The following RNF168 variants were observed in gnomAD, a reference collection of about 807,000 sequenced individuals.
The protein encoded by RNF168 is E3 ubiquitin-protein ligase RNF168.
In RNF168, 34 loss-of-function variants were observed where a neutral mutation model predicts 34.9. The observed-to-expected ratio is 0.97, with a 90% CI of 0.74 to 1.30. The LOEUF (loss-of-function observed/expected upper bound fraction) is 1.30, where lower values mean the gene tolerates loss of function less well. Ranked by LOEUF, RNF168 falls within the 50% of genes most tolerant of loss-of-function variation. RNF168 has a pLI of 0.00. For missense variants in RNF168, 725 were observed against 682.5 expected (o/e 1.06, Z -0.69); for synonymous variants, 264 against 254.7 (o/e 1.04, Z -0.35).
intron 4 of RNF168, among the ~76,000 whole-genome samples, chr3:196,478,732 T>C (rs1348252697): frequency 6.6e-6 from 1 of 151,896 alleles, no homozygotes; most frequent in Non-Finnish European, 1.5e-5. Context: ...AATGGCACAA[T>C]CTCTGCTCAC....
rs762927567 is a variant in RNF168 at position 196,488,661 on chromosome 3, A to G, written c.324T>C (p.Arg108=). 1 of 1,607,432 alleles carries G rather than the reference A, an allele frequency of 6.2e-7. No homozygotes were observed. Among genetic ancestry groups the G allele is most frequent in the Non-Finnish European group, 8.5e-7 (1 of 1,174,170 alleles). ...TCAGTTCCCCAGGTTTACTGAGCAGACGAACTGGCTGATAGTCATCAGCTA... is the reference window on the plus strand; with the variant it reads ...TCAGTTCCCCAGGTTTACTGAGCAGGCGAACTGGCTGATAGTCATCAGCTA... ...EEVADDYQPV[R]LLSKPGELRR... The change falls in exon 2 of 6, where the codon CGT becomes CGC. Residue 108 remains arginine, a synonymous_variant. Transcript: ENST00000318037.
chr3:196,471,849 AAC>A lies in RNF168; in HGVS notation c.1684_1685del (p.Val562PhefsTer19), dbSNP rs1201394986. On this transcript the variant is annotated frameshift_variant, in exon 6 of 6. Transcript: ENST00000318037. LOFTEE classifies it high-confidence loss of function. ...TTGTGCATCTCTGAAACATCTGAAA[AAC>A]ACTTTTCTGTGAAATGCTAGGCTGT... is the stretch of plus-strand genomic sequence containing the variant. ...SLQPSISQKSVFQMFQRCTK is the reference protein window; with the variant it reads ...SLQPSISQKSXFQMFQRCTK 1 of 1,613,706 alleles carries A rather than the reference AAC, an allele frequency of 6.2e-7. No homozygotes were observed. The highest frequency in any genetic ancestry group is 8.5e-7 in the Non-Finnish European group (1 of 1,179,756).
intron 4 of RNF168, among the ~76,000 whole-genome samples, chr3:196,480,891 C>A (rs1440171223): frequency 6.6e-6 from 1 of 152,152 alleles, no homozygotes; most frequent in African/African-American, 2.4e-5. Flanking sequence ...GCAATCCTCT[C>A]GCCTCAGTCT....
intron 5 of RNF168, among the ~76,000 whole-genome samples, chr3:196,473,529 A>G (rs1732066291): frequency 1.3e-5 from 2 of 152,172 alleles, no homozygotes; most frequent in Admixed American, 1.3e-4. Flanking sequence ...TCTAATACCA[A>G]TGTAGAGATA....
At chr3:196,489,587 A>T (rs35864132) in intron 1 of RNF168, among the ~76,000 whole-genome samples, 3,264 of 152,252 alleles carry the variant, frequency 0.021, 124 homozygotes, top group African/African-American at 0.075. Context: ...TCAGCCTCCC[A>T]AAGTGCTGGG....
At chr3:196,500,759 T>G (rs112647520) in intron 1 of RNF168, among the ~76,000 whole-genome samples, 10,157 of 152,028 alleles carry the variant, frequency 0.067, 408 homozygotes, top group Middle Eastern at 0.2. Context: ...TCTCCCAGGC[T>G]GGAGTGCGGT....
intron 2 of RNF168, among the ~76,000 whole-genome samples, 188 bp downstream of exon 2, chr3:196,488,419 T>C (rs954806351): frequency 4.0e-5 from 6 of 151,226 alleles, no homozygotes; most frequent in African/African-American, 1.5e-4. Flanking sequence ...GAGGTGGAGG[T>C]TGCAGTGAGC....
At chr3:196,499,236 C>A (rs1003276497) in intron 1 of RNF168, among the ~76,000 whole-genome samples, 1 of 151,856 alleles carries the variant, frequency 6.6e-6, no homozygotes, top group African/African-American at 2.4e-5. Context: ...GGAAACTCTA[C>A]GTGCCAATGG....
chr3:196,498,765 C>T (rs1360215168), intron 1 of RNF168, among the ~76,000 whole-genome samples: 3 of 151,996 alleles, frequency 2.0e-5, no homozygotes, highest in Non-Finnish European at 2.9e-5. Flanking sequence ...GAGGCCGAGG[C>T]GGGTGGATCA....
rs1246837531 is a variant in RNF168 at position 196,469,912 on chromosome 3, AGT to A, written c.*1905_*1906del. ...AGGTTTCCAAAAATTCACCCAATTT[AGT>A]AACTAATTTTGATTCTGATGCCTGA... On this transcript the variant is annotated 3_prime_UTR_variant, in exon 6 of 6. Transcript: ENST00000318037. 2 of 151,964 alleles carry A rather than the reference AGT, an allele frequency of 1.3e-5. No homozygotes were observed. Among genetic ancestry groups the A allele is most frequent in the Non-Finnish European group, 2.9e-5 (2 of 67,932 alleles). The allele number at this position is 151,964 out of a possible 1,614,324, so 9.4% of individuals were successfully genotyped here. A position where few individuals can be genotyped will look rare whatever the true frequency, so the allele number is the denominator to read the frequency against.
chr3:196,471,633 T>G lies in RNF168; in HGVS notation c.*186A>C. ...AAGAAGGGAAACGACAGGGGACCCC[T>G]GCTTACCGCTGAGCTGTGCAGAAGC... On this transcript the variant is annotated 3_prime_UTR_variant, in exon 6 of 6. Transcript: ENST00000318037. 1 of 597,900 alleles carries G rather than the reference T, an allele frequency of 1.7e-6. No individual in the cohort carries two copies. 37.0% of individuals were successfully genotyped at this position (597,900 alleles called of 1,614,324 possible). A position where few individuals can be genotyped will look rare whatever the true frequency, so the allele number is the denominator to read the frequency against.
intron 1 of RNF168, among the ~76,000 whole-genome samples, chr3:196,499,217 G>GAC (rs1220039780): frequency 6.6e-6 from 1 of 151,986 alleles, no homozygotes; most frequent in Non-Finnish European, 1.5e-5. Context: ...TGTAAAGACA[G>GAC]ACACACCGGG....
Position 196,488,671 on chromosome 3 carries a change from T to C in RNF168, c.314A>G (p.Gln105Arg). 1 of 1,602,328 alleles carries C rather than the reference T, an allele frequency of 6.2e-7. No homozygotes were observed. Among genetic ancestry groups the C allele is most frequent in the South Asian group, 1.1e-5 (1 of 90,798 alleles). ...AGGTTTACTGAGCAGACGAACTGGC[T>C]GATAGTCATCAGCTATTTCATATCA... ...QESEEVADDY[Q>R]PVRLLSKPGE... Residue 105 changes from glutamine (Q) to arginine (R), a missense_variant, in exon 2 of 6, where the codon CAG (glutamine) becomes CGG (arginine). Gln to Arg is a conservative substitution (Grantham distance 43). Coordinates refer to ENST00000318037, the MANE Select transcript of RNF168 (RefSeq NM_152617.4).
chr3:196,475,364 T>C (rs776135308), intron 4 of RNF168, 52 bp from the exon 5 acceptor site: 4 of 1,026,318 alleles, frequency 3.9e-6, no homozygotes, highest in East Asian at 4.8e-5. Flanking sequence ...AGATGGTATG[T>C]ACCCAACATA....
In RNF168 at chr3:196,502,754, T is replaced by C. The variant is rs565129814; in HGVS notation, c.301+119A>G. Reference sequence around the variant, plus strand: ...TAAACCCCCTAACCTCTGAGAACTATTTAGACAAATACTAGTCGGGTTTTT... The same window carrying C: ...TAAACCCCCTAACCTCTGAGAACTACTTAGACAAATACTAGTCGGGTTTTT... On this transcript the variant is annotated intron_variant, in intron 1 of 5. Coordinates refer to ENST00000318037, the MANE Select transcript of RNF168 (RefSeq NM_152617.4). 13 of 872,224 alleles carry C rather than the reference T, an allele frequency of 1.5e-5. No individual in the cohort carries two copies. In the South Asian group the frequency reaches 1.9e-4, roughly 12 times the overall value. The allele number at this position is 872,224 out of a possible 1,614,324, so 54.0% of individuals were successfully genotyped here.
chr3:196,485,119 A>G (rs1444290731), intron 3 of RNF168, among the ~76,000 whole-genome samples: 3 of 152,072 alleles, frequency 2.0e-5, no homozygotes, highest in Non-Finnish European at 4.4e-5. Flanking sequence ...TTGCTGTACC[A>G]GTCTCGTAAG....
chr3:196,472,991 T>C (rs1307272956), intron 5 of RNF168, among the ~76,000 whole-genome samples: 1 of 152,168 alleles, frequency 6.6e-6, no homozygotes, highest in African/African-American at 2.4e-5. Context: ...AACCTTCACC[T>C]CCCAGGTTCA....
At chr3:196,480,817 AT>A (rs200108688) in intron 4 of RNF168, among the ~76,000 whole-genome samples, 22 of 151,202 alleles carry the variant, frequency 1.5e-4, no homozygotes, top group African/African-American at 4.6e-4. Flanking sequence ...TAATTTTTTA[AT>A]TTTTTTTTAA....
At chr3:196,474,525 G>T (rs547261979) in intron 5 of RNF168, among the ~76,000 whole-genome samples, 1 of 147,030 alleles carries the variant, frequency 6.8e-6, no homozygotes, top group Non-Finnish European at 1.5e-5. Flanking sequence ...TCAGCTCACC[G>T]CAACCTCTAC....
Sources: allele counts gnomAD v4.1 joint callset (sites outside exome capture counted in the v4.1 genomes callset), GRCh38; gene constraint gnomAD v4.1.1; transcripts MANE v1.5; gene names NCBI Gene and HGNC (gene_info 2026-07-23, HGNC 2026-07-21).